Variants in BICDL1 observed in about 807,000 individuals in gnomAD.
BICDL1 encodes the protein BICD family-like cargo adapter 1.
Under a neutral mutation model 76.8 loss-of-function variants are expected in BICDL1, and 20 were observed. The ratio of observed to expected loss-of-function variants is 0.26; its 90% CI spans 0.18 to 0.38. BICDL1 has a LOEUF of 0.38. Among genes scored for constraint, BICDL1 ranks in the 10% least tolerant of loss-of-function variants. The pLI is 1.00. For synonymous variants in BICDL1, 383 were observed against 337.1 expected (o/e 1.14, Z -1.49); for missense variants, 700 against 798.6 (o/e 0.88, Z 1.49).
chr12:119,994,502 T>C (rs546824062), intron 1 of BICDL1, among the ~76,000 whole-genome samples: 1 of 152,248 alleles, frequency 6.6e-6, no homozygotes, highest in African/African-American at 2.4e-5. Context: ...AGACTCTTTT[T>C]TTTTCGAGAC....
At chr12:120,024,492 A>G (rs1436074996) in intron 2 of BICDL1, among the ~76,000 whole-genome samples, 1 of 152,204 alleles carries the variant, frequency 6.6e-6, no homozygotes, top group African/African-American at 2.4e-5. Context: ...CTGTGGAACA[A>G]CTTTTGAACA....
chr12:120,047,544 A>G (rs1952772297), intron 2 of BICDL1, among the ~76,000 whole-genome samples: 1 of 152,196 alleles, frequency 6.6e-6, no homozygotes, highest in Non-Finnish European at 1.5e-5. Flanking sequence ...TTTGAGCTAA[A>G]GCCAATATTC....
intron 6 of BICDL1, among the ~76,000 whole-genome samples, chr12:120,073,062 A>T (rs998885876): frequency 3.1e-4 from 47 of 152,156 alleles, no homozygotes; most frequent in African/African-American, 1.1e-3. Flanking sequence ...TTTAGTAGAC[A>T]CAGGGTTTTA....
At chr12:120,022,450 T>C (rs1952203760) in intron 2 of BICDL1, among the ~76,000 whole-genome samples, 1 of 147,146 alleles carries the variant, frequency 6.8e-6, no homozygotes, top group Non-Finnish European at 1.5e-5. Context: ...AATATATGTA[T>C]TTTATATATT....
chr12:120,090,462 G>C (rs1271853920), intron 9 of BICDL1, among the ~76,000 whole-genome samples: 1 of 152,174 alleles, frequency 6.6e-6, no homozygotes, highest in Non-Finnish European at 1.5e-5. Context: ...GCCAGCAGCT[G>C]CTACCCTTCC....
Position 120,064,786 on chromosome 12 carries a change from T to A in BICDL1, c.816T>A (p.Thr272=). ...KRELEHRLSA[T]LEENDLLQGT... ...AGCTGGAGCATCGTCTCAGCGCTAC[T>A]TTAGAGGAAAATGACCTGCTCCAAG... The change falls in exon 4 of 10, where the codon ACT becomes ACA. Residue 272 remains threonine (T), a synonymous_variant. Transcript: ENST00000548673. 1 of 1,613,762 alleles carries A rather than the reference T, an allele frequency of 6.2e-7. No homozygotes were observed. Among genetic ancestry groups the A allele is most frequent in the South Asian group, 1.1e-5 (1 of 91,064 alleles).
chr12:120,085,547 C>T (rs1208351315), intron 8 of BICDL1, among the ~76,000 whole-genome samples: 7 of 152,044 alleles, frequency 4.6e-5, no homozygotes, highest in East Asian at 1.9e-4. Context: ...CAGGCAAGGG[C>T]GCCTGTAATC....
intron 1 of BICDL1, among the ~76,000 whole-genome samples, chr12:119,994,877 C>T (rs1239632705): frequency 2.0e-5 from 3 of 152,160 alleles, no homozygotes; most frequent in Non-Finnish European, 4.4e-5. Context: ...ACCCAGCTTC[C>T]TCTTATTAAC....
intron 2 of BICDL1, among the ~76,000 whole-genome samples, chr12:120,004,229 C>G (rs7298727): frequency 0.13 from 20,113 of 152,222 alleles, 1,662 homozygotes; most frequent in East Asian, 0.41. Flanking sequence ...CCAGAGCCCC[C>G]TCCATTTATC....
rs1951477234 is a variant in BICDL1 at position 119,989,906 on chromosome 12, C to G, written c.38C>G (p.Ser13Ter). Residue 13 changes from serine (S) to a stop codon, truncating the protein, a stop_gained, in exon 1 of 10, where the codon TCA becomes TGA. Coordinates refer to ENST00000548673, the MANE Select transcript of BICDL1 (RefSeq NM_001367886.1). LOFTEE classifies it high-confidence loss of function. The stretch of plus-strand genomic sequence containing the variant: ...TGCCTGGGCTTGGTCGGCCGCGCTT[C>G]AGCACCCGCCGAGCCGGACAGCGCC... ...AFCLGLVGRA[S>*]APAEPDSACC... 3.4e-6 allele frequency: 5 copies of G among 1,452,326 alleles called. No homozygotes were observed. The highest frequency in any genetic ancestry group is 3.6e-6 in the Non-Finnish European group (4 of 1,114,478). 90.0% of individuals were successfully genotyped at this position (1,452,326 alleles called of 1,614,324 possible).
rs1474917628 is a variant in BICDL1, at chr12:119,989,997, C to T, written c.129C>T (p.Leu43=). 14 of 1,482,118 alleles carry T rather than the reference C, an allele frequency of 9.4e-6. No individual in the cohort carries two copies. The highest frequency in any genetic ancestry group is 1.3e-5 in the South Asian group (1 of 74,804). 91.8% of individuals were successfully genotyped at this position (1,482,118 alleles called of 1,614,324 possible). A position where few individuals can be genotyped will look rare whatever the true frequency, so the allele number is the denominator to read the frequency against. The change falls in exon 1 of 10, where the codon CTC becomes CTT. Residue 43 remains leucine, a synonymous_variant. Coordinates refer to ENST00000548673, the MANE Select transcript of BICDL1 (RefSeq NM_001367886.1). The part of the protein sequence containing the change: ...AVRSPAAAAA[L]IFPGGSGELE... ...GGAGTCCCGCCGCCGCCGCCGCCCT[C>T]ATCTTCCCCGGGGGCTCCGGGGAGC...
intron 2 of BICDL1, among the ~76,000 whole-genome samples, chr12:120,040,395 T>TTTTTC (rs1270218897): frequency 1.3e-5 from 2 of 151,844 alleles, no homozygotes; most frequent in Non-Finnish European, 2.9e-5. Context: ...CCCAGCCTTC[T>TTTTTC]TTTTCTTTTC....
At chr12:120,021,311 G>C (rs1461510567) in intron 2 of BICDL1, among the ~76,000 whole-genome samples, 2 of 149,354 alleles carry the variant, frequency 1.3e-5, no homozygotes, top group African/African-American at 5.0e-5. Context: ...AATAGGCAGG[G>C]CACGGTGGCT....
chr12:120,076,284 A>G (rs1314307997), intron 7 of BICDL1, among the ~76,000 whole-genome samples: 1 of 152,244 alleles, frequency 6.6e-6, no homozygotes, highest in Non-Finnish European at 1.5e-5. Context: ...AGACTCAGAG[A>G]CAGATCTTCT....
Position 120,072,591 on chromosome 12 carries a change from A to G in BICDL1, c.1170A>G (p.Ser390=). Residue 390 remains serine (S), a synonymous_variant, in exon 6 of 10, where the codon TCA becomes TCG. Coordinates refer to ENST00000548673, the MANE Select transcript of BICDL1 (RefSeq NM_001367886.1). ...TTCGAGGCAATGACAGTGCTGACTC[A>G]GCCGTCTCCACGGACTCCTCCATGG... ...SHLRGNDSAD[S]AVSTDSSMDE... is the part of the protein sequence containing the mutation. 2.5e-6 allele frequency: 4 copies of G among 1,614,228 alleles called. No homozygotes were observed. The highest frequency in any genetic ancestry group is 3.4e-6 in the Non-Finnish European group (4 of 1,180,040).
Position 119,989,958 on chromosome 12 carries a change from CG to C in BICDL1, c.94del (p.Asp32ThrfsTer21), listed in dbSNP as rs1332119033. On this transcript the variant is annotated frameshift_variant, in exon 1 of 10. Transcript: ENST00000548673. LOFTEE classifies it high-confidence loss of function. ...GCTGCATGGAGCTGCCCGCCGCGGC[CG>C]GGGACGCAGTCCGGAGTCCCGCCGC... Reference protein sequence around the residue: ...ACCMELPAAAGDAVRSPAAAA... With the variant: ...ACCMELPAAAXDAVRSPAAAA... 3 of 1,465,066 alleles carry C rather than the reference CG, an allele frequency of 2.0e-6. No homozygotes were observed. The highest frequency in any genetic ancestry group is 1.4e-5 in the South Asian group (1 of 72,750). 90.8% of individuals were successfully genotyped at this position (1,465,066 alleles called of 1,614,324 possible). A position where few individuals can be genotyped will look rare whatever the true frequency, so the allele number is the denominator to read the frequency against.
intron 8 of BICDL1, among the ~76,000 whole-genome samples, chr12:120,089,375 CGTGTGTGTGTGTGTG>C (rs1332244306): frequency 1.3e-5 from 2 of 148,614 alleles, no homozygotes; most frequent in Non-Finnish European, 3.0e-5. Flanking sequence ...GCTCTTTCAA[CGTGTGTGTGTGTGTG>C]GTGTGTGTGT....
At chr12:120,084,937 A>G (rs1874281418) in intron 8 of BICDL1, among the ~76,000 whole-genome samples, 1 of 149,940 alleles carries the variant, frequency 6.7e-6, no homozygotes, top group Admixed American at 6.6e-5. Flanking sequence ...ACTTCCACAC[A>G]CACTTTCCCC....
At chr12:120,012,538 C>T (rs1033555263) in intron 2 of BICDL1, among the ~76,000 whole-genome samples, 55 of 152,306 alleles carry the variant, frequency 3.6e-4, no homozygotes, top group African/African-American at 1.2e-3. Flanking sequence ...CCAGTTATAC[C>T]TCCTCCTATG....
Sources: allele counts gnomAD v4.1 joint callset (sites outside exome capture counted in the v4.1 genomes callset), GRCh38; gene constraint gnomAD v4.1.1; transcripts MANE v1.5; gene names NCBI Gene and HGNC (gene_info 2026-07-23, HGNC 2026-07-21).